Variants in EYS observed in about 807,000 individuals in gnomAD.
EYS encodes the protein protein eyes shut homolog.
Under a neutral mutation model 282.1 loss-of-function variants are expected in EYS, and 250 were observed. That is an observed-to-expected ratio of 0.89 (90% CI 0.80 to 0.98). EYS has a LOEUF of 0.98. Ranked by LOEUF, EYS falls within the 50% of genes least tolerant of loss-of-function variation. EYS has a pLI of 0.00. For missense variants in EYS, 4,016 were observed against 3,709.0 expected, an observed-to-expected ratio of 1.08 and a Z score of -2.15; for synonymous variants, 1,355 against 1,282.9, an observed-to-expected ratio of 1.06 and a Z score of -1.20.
At chr6:64,360,622 T>C (rs1171319913) in intron 29 of EYS, among the ~76,000 whole-genome samples, 1 of 151,766 alleles carries the variant, frequency 6.6e-6, no homozygotes, top group Non-Finnish European at 1.5e-5. Context: ...TAGTTTCAGT[T>C]TCAGGAAGCC....
At chr6:63,927,423 A>G (rs1688347592) in intron 35 of EYS, among the ~76,000 whole-genome samples, 1 of 152,186 alleles carries the variant, frequency 6.6e-6, no homozygotes. Context: ...AAGATTTGTT[A>G]TTACTTTGCC....
At chr6:65,415,083 A>G (rs1391036165) in intron 5 of EYS, among the ~76,000 whole-genome samples, 1 of 152,202 alleles carries the variant, frequency 6.6e-6, no homozygotes, top group Non-Finnish European at 1.5e-5. Flanking sequence ...ATGAAGAATT[A>G]GACTGAATTA....
intron 14 of EYS, among the ~76,000 whole-genome samples, chr6:64,972,766 T>A (rs147476315): frequency 6.6e-6 from 1 of 152,128 alleles, no homozygotes; most frequent in Non-Finnish European, 1.5e-5. Context: ...AAGTTTTACA[T>A]AGATTTTGAC....
chr6:65,479,459 A>G (rs1334620781), intron 5 of EYS, among the ~76,000 whole-genome samples: 1 of 152,240 alleles, frequency 6.6e-6, no homozygotes, highest in Non-Finnish European at 1.5e-5. Flanking sequence ...ACACTAACCA[A>G]GAAACACTAG....
At position 63,870,965 on chromosome 6, in the gene EYS, A is replaced by T. The variant is rs554749184; in HGVS notation, c.7056-6607T>A. 2.6e-5 allele frequency among the ~76,000 whole-genome samples: 4 copies of T among 152,278 alleles called. No homozygotes were observed. In the East Asian group the frequency reaches 7.7e-4, roughly 29 times the overall value. On this transcript the variant is annotated intron_variant, in intron 35 of 42. Coordinates refer to ENST00000503581, the MANE Select transcript of EYS (RefSeq NM_001142800.2). ...CCCAATCGTTGTTCAGATCTTTCCCAGTCCTGTGATCTCTGCTCAGAGGAA... is the reference window on the plus strand; with the variant it reads ...CCCAATCGTTGTTCAGATCTTTCCCTGTCCTGTGATCTCTGCTCAGAGGAA...
At chr6:63,954,603 T>A (rs955874375) in intron 35 of EYS, among the ~76,000 whole-genome samples, 2 of 152,300 alleles carry the variant, frequency 1.3e-5, no homozygotes, top group South Asian at 4.1e-4. Flanking sequence ...AGGCATCAGA[T>A]GCCATCATTC....
chr6:64,137,836 C>G (rs1360851568), intron 31 of EYS, among the ~76,000 whole-genome samples: 1 of 152,016 alleles, frequency 6.6e-6, no homozygotes, highest in African/African-American at 2.4e-5. Context: ...AAATGTGGCA[C>G]AGAAATGCAC....
At chr6:65,368,777 A>G (rs1765016553) in intron 8 of EYS, among the ~76,000 whole-genome samples, 1 of 151,678 alleles carries the variant, frequency 6.6e-6, no homozygotes, top group Admixed American at 6.7e-5. Flanking sequence ...CTTTAAGCAT[A>G]AGCCAACTTC....
intron 12 of EYS, among the ~76,000 whole-genome samples, chr6:65,123,881 T>C (rs1414906208): frequency 1.3e-5 from 2 of 152,046 alleles, no homozygotes; most frequent in Non-Finnish European, 2.9e-5. Flanking sequence ...ATCAGAAGGA[T>C]GTTCATAATG....
intron 35 of EYS, among the ~76,000 whole-genome samples, chr6:63,873,625 G>A (rs908025657): frequency 6.6e-6 from 1 of 152,160 alleles, no homozygotes; most frequent in Admixed American, 6.5e-5. Flanking sequence ...CACCAACAGT[G>A]TAAAAGTATT....
At chr6:65,626,406 G>C (rs1172810548) in intron 2 of EYS, among the ~76,000 whole-genome samples, 1 of 152,130 alleles carries the variant, frequency 6.6e-6, no homozygotes, top group Non-Finnish European at 1.5e-5. Flanking sequence ...TATGCATTTA[G>C]TAATCTCATA....
chr6:65,536,332 T>G (rs942897618), intron 2 of EYS, among the ~76,000 whole-genome samples: 3 of 151,874 alleles, frequency 2.0e-5, no homozygotes, highest in Non-Finnish European at 4.4e-5. Context: ...AGATTTTTTT[T>G]TTTTTTCAGG....
intron 12 of EYS, among the ~76,000 whole-genome samples, chr6:65,247,840 GAAAAT>G (rs1167281095): frequency 6.6e-6 from 1 of 151,932 alleles, no homozygotes; most frequent in Non-Finnish European, 1.5e-5. Context: ...ATATTGGAAA[GAAAAT>G]AATTCAAAAT....
At chr6:64,502,688 T>G (rs1471862966) in intron 26 of EYS, among the ~76,000 whole-genome samples, 1 of 152,116 alleles carries the variant, frequency 6.6e-6, no homozygotes, top group East Asian at 1.9e-4. Flanking sequence ...TCTCTGCTAT[T>G]GACAGTTTTG....
At chr6:65,443,269 T>C (rs1582301051) in intron 5 of EYS, among the ~76,000 whole-genome samples, 1 of 133,382 alleles carries the variant, frequency 7.5e-6, no homozygotes, top group Non-Finnish European at 1.7e-5. Flanking sequence ...TATGCAAACA[T>C]ATAGACATGT....
intron 15 of EYS, among the ~76,000 whole-genome samples, chr6:64,930,504 C>CTGGTAATTATCTCTGGTAATTAA (rs1370729165): frequency 7.3e-6 from 1 of 136,110 alleles, no homozygotes; most frequent in African/African-American, 2.7e-5. Flanking sequence ...TCTCTGGTAA[C>CTGGTAATTATCTCTGGTAATTAA]ACATTAAAAC....
chr6:65,688,362 G>A (rs559467031), intron 1 of EYS, among the ~76,000 whole-genome samples: 26 of 152,250 alleles, frequency 1.7e-4, no homozygotes, highest in Admixed American at 1.7e-3. Context: ...AATGGTGCTG[G>A]GAAAACTGGC....
At chr6:65,167,377 G>A (rs1294921395) in intron 12 of EYS, among the ~76,000 whole-genome samples, 1 of 151,156 alleles carries the variant, frequency 6.6e-6, no homozygotes, top group Non-Finnish European at 1.5e-5. Flanking sequence ...ATTATGTTCT[G>A]GAATTAAATA....
intron 12 of EYS, among the ~76,000 whole-genome samples, chr6:65,121,520 G>A (rs1581928591): frequency 9.4e-6 from 1 of 106,232 alleles, no homozygotes; most frequent in Non-Finnish European, 2.2e-5. Context: ...GGAAATTTGT[G>A]AAAAAACATG....
Sources: allele counts gnomAD v4.1 joint callset (sites outside exome capture counted in the v4.1 genomes callset), GRCh38; gene constraint gnomAD v4.1.1; transcripts MANE v1.5; gene names NCBI Gene and HGNC (gene_info 2026-07-23, HGNC 2026-07-21).